Variants in AQR observed in about 807,000 individuals in gnomAD.
AQR encodes the protein aquarius intron-binding spliceosomal factor.
AQR carries 61 observed loss-of-function variants against 180.5 expected under a neutral mutation model. That is an observed-to-expected ratio of 0.34 (90% CI 0.28 to 0.42). The LOEUF (loss-of-function observed/expected upper bound fraction) is 0.42, where lower values mean the gene tolerates loss of function less well. Among genes scored for constraint, AQR ranks in the 10% least tolerant of loss-of-function variants. AQR has a pLI of 1.00. For synonymous variants in AQR, 551 were observed against 588.8 expected (o/e 0.94, Z 0.93); for missense variants, 1,281 against 1,798.3 (o/e 0.71, Z 5.20).
chr15:34,943,444 AAAATAAATAAAT>A lies in AQR; in HGVS notation c.471+832_471+843del, dbSNP rs3062307. On this transcript the variant is annotated intron_variant, in intron 6 of 34. Transcript: ENST00000156471. ...ACAATAAAATCTTGAGTTTATGTTC[AAAATAAATAAAT>A]AAATAAATAAATAAATAAATAAATA... The A allele has an allele frequency of 5.4e-4, 278 of 512,184 alleles. 7 individuals carry two copies. Among genetic ancestry groups the A allele is most frequent in the Middle Eastern group, 2.9e-3 (5 of 1,748 alleles). 31.7% of individuals were successfully genotyped at this position (512,184 alleles called of 1,614,324 possible). A position where few individuals can be genotyped will look rare whatever the true frequency, so the allele number is the denominator to read the frequency against.
rs1440297450 is a variant in AQR at position 34,853,246 on chromosome 15, T to G, written c.*3546A>C. On this transcript the variant is annotated 3_prime_UTR_variant, in exon 35 of 35. Coordinates refer to ENST00000156471, the MANE Select transcript of AQR (RefSeq NM_014691.3). Reference sequence around the variant, plus strand: ...GGCTTATGCAAAAGGGTCACTGTTTTTTTTTTTTTTTTAACTTTATCTTGT... The same window carrying G: ...GGCTTATGCAAAAGGGTCACTGTTTGTTTTTTTTTTTTAACTTTATCTTGT... The G allele has an allele frequency of 6.6e-6, 1 of 151,974 alleles. No homozygotes were observed. Among genetic ancestry groups the G allele is most frequent in the Non-Finnish European group, 1.5e-5 (1 of 68,002 alleles). The allele number at this position is 151,974 out of a possible 1,614,324, so 9.4% of individuals were successfully genotyped here. A position where few individuals can be genotyped will look rare whatever the true frequency, so the allele number is the denominator to read the frequency against.
chr15:34,928,818 G>A (rs376865201), intron 12 of AQR, among the ~76,000 whole-genome samples: 100 of 152,272 alleles, frequency 6.6e-4, no homozygotes, highest in Admixed American at 2.2e-3. Context: ...ATGTAAAAGC[G>A]TTCCTATTTC....
chr15:34,946,770 C>G (rs1458689598), intron 5 of AQR, among the ~76,000 whole-genome samples: 6 of 149,516 alleles, frequency 4.0e-5, no homozygotes, highest in Non-Finnish European at 8.9e-5. Flanking sequence ...GGGGGGTCAG[C>G]CCCCCGCCCG....
At chr15:34,914,963 C>A in intron 16 of AQR, 75 bp downstream of exon 16, 1 of 1,444,102 alleles carries the variant, frequency 6.9e-7, no homozygotes, top group Non-Finnish European at 9.2e-7. Flanking sequence ...TCTAAATATA[C>A]TTATAAGGTT....
intron 17 of AQR, among the ~76,000 whole-genome samples, chr15:34,908,617 T>C (rs1257881193): frequency 6.6e-6 from 1 of 152,138 alleles, no homozygotes; most frequent in African/African-American, 2.4e-5. Context: ...GTGCCCTATC[T>C]TGCCCATCAA....
At chr15:34,944,984 A>G (rs1424527786) in intron 5 of AQR, among the ~76,000 whole-genome samples, 1 of 152,164 alleles carries the variant, frequency 6.6e-6, no homozygotes, top group East Asian at 1.9e-4. Flanking sequence ...CTCTAAGACA[A>G]GCTCTCCTGA....
chr15:34,873,703 G>A, intron 30 of AQR, 125 bp downstream of exon 30: 1 of 699,404 alleles, frequency 1.4e-6, no homozygotes, highest in Non-Finnish European at 2.2e-6. Flanking sequence ...TTTTTCATAT[G>A]CTATGTGTAA....
chr15:34,918,429 A>G (rs767846136), intron 14 of AQR, 51 bp from the exon 15 acceptor site: 6 of 1,575,726 alleles, frequency 3.8e-6, no homozygotes. Flanking sequence ...ATCTTTTTTC[A>G]ATCAAAATAA....
intron 11 of AQR, among the ~76,000 whole-genome samples, chr15:34,930,692 CA>C (rs1320653041): frequency 2.0e-5 from 3 of 152,070 alleles, no homozygotes; most frequent in Non-Finnish European, 4.4e-5. Flanking sequence ...ATGAAACAAA[CA>C]ACATCTATCT....
At chr15:34,867,867 G>T in intron 31 of AQR, 1 of 305,472 alleles carries the variant, frequency 3.3e-6, no homozygotes, top group Non-Finnish European at 6.0e-6. Context: ...AACTATTTTT[G>T]GAATTAACAG....
At position 34,860,152 on chromosome 15, in the gene AQR, C is replaced by T. The variant is rs554554752; in HGVS notation, c.4033G>A (p.Gly1345Arg). 2 of 1,474,360 alleles carry T rather than the reference C, an allele frequency of 1.4e-6. No homozygotes were observed. Among genetic ancestry groups the T allele is most frequent in the African/African-American group, 1.4e-5 (1 of 71,090 alleles). 91.3% of individuals were successfully genotyped at this position (1,474,360 alleles called of 1,614,324 possible). A position where few individuals can be genotyped will look rare whatever the true frequency, so the allele number is the denominator to read the frequency against. Residue 1345 changes from glycine (G) to arginine (R), a missense_variant, in exon 34 of 35, where the codon GGA (glycine) becomes AGA (arginine). Around this residue, in one of 9 missense-constraint regions of AQR, gnomAD observed 182 missense variants for 185.3 expected, o/e 0.98. Transcript: ENST00000156471. ...TEPFPTTRKN[G>R]ERPSHEVQII... The stretch of plus-strand genomic sequence containing the variant: ...TGTACTTCATGAGATGGTCTCTCTC[C>T]ATTCTAGAAGAAGGAAAAAAGAACG...
At chr15:34,874,654 A>AT (rs756949703) in intron 29 of AQR, 23 bp downstream of exon 29, 40 of 1,610,414 alleles carry the variant, frequency 2.5e-5, no homozygotes, top group Admixed American at 1.7e-4. Flanking sequence ...AATGGGAATG[A>AT]TTTTTTTTCC....
Position 34,884,680 on chromosome 15 carries a change from A to G in AQR, c.2872T>C (p.Leu958=). 6.2e-7 allele frequency: 1 copy of G among 1,611,532 alleles called. No individual in the cohort carries two copies. Among genetic ancestry groups the G allele is most frequent in the Non-Finnish European group, 8.5e-7 (1 of 1,179,334 alleles). ...GTGGAGACTTCCGTAACATCTGGCA[A>G]TGTACTACCTTTATTTTTCACTTTG... ...ISKVKNKGST[L]PDVTEVSTFF... Residue 958 remains leucine (L), a synonymous_variant, in exon 26 of 35, where the codon TTG becomes CTG. Transcript: ENST00000156471.
intron 12 of AQR, 146 bp downstream of exon 12, chr15:34,930,112 T>C (rs1357291614): frequency 2.0e-6 from 1 of 490,566 alleles, no homozygotes; most frequent in Non-Finnish European, 3.6e-6. Context: ...TTTTCAAGAA[T>C]TCATTGGAAA....
intron 32 of AQR, among the ~76,000 whole-genome samples, chr15:34,865,593 A>T (rs1892729189): frequency 1.3e-5 from 2 of 152,236 alleles, no homozygotes; most frequent in African/African-American, 4.8e-5. Flanking sequence ...AAGTGTTCAC[A>T]TAAAAATTGT....
Position 34,960,846 on chromosome 15 carries a change from TCAA to T in AQR, c.133-35_133-33del, listed in dbSNP as rs771618260. 7.9e-5 allele frequency: 61 copies of T among 774,714 alleles called. 1 individual carries two copies. The highest frequency in any genetic ancestry group is 3.3e-4 in the Admixed American group (10 of 29,976). 48.0% of individuals were successfully genotyped at this position (774,714 alleles called of 1,614,324 possible). A position where few individuals can be genotyped will look rare whatever the true frequency, so the allele number is the denominator to read the frequency against. ...TAAAAATATAAAAATGTTTAATATC[TCAA>T]CAACTTTTTTCAACCCTAAATTGAC... On this transcript the variant is annotated intron_variant, in intron 2 of 34. Coordinates refer to ENST00000156471, the MANE Select transcript of AQR (RefSeq NM_014691.3).
intron 32 of AQR, among the ~76,000 whole-genome samples, chr15:34,863,376 C>T (rs996529361): frequency 3.3e-5 from 5 of 152,088 alleles, no homozygotes; most frequent in Admixed American, 6.6e-5. Context: ...TGAGTCAATT[C>T]GAACTAGCTC....
At chr15:34,927,283 C>G (rs980950409) in intron 12 of AQR, 145 bp from the exon 13 acceptor site, 1 of 390,720 alleles carries the variant, frequency 2.6e-6, no homozygotes, top group Non-Finnish European at 4.5e-6. Context: ...CTACCTTAAT[C>G]AGACAGAAGC....
chr15:34,910,051 T>C (rs762778165), intron 17 of AQR, 84 bp downstream of exon 17: 2 of 1,463,264 alleles, frequency 1.4e-6, no homozygotes, highest in East Asian at 2.3e-5. Flanking sequence ...AGGATAACAT[T>C]TAGTAAAAGT....
Sources: gnomAD v4.1 joint callset for allele counts (sites outside exome capture counted in the v4.1 genomes callset) on GRCh38, gnomAD v4.1.1 for gene constraint, gnomAD v4.1.1 regional missense constraint, MANE v1.5 for transcripts, NCBI Gene and HGNC (gene_info 2026-07-23, HGNC 2026-07-21) for gene names.